The following TENT2 variants were observed in gnomAD, a reference collection of about 807,000 sequenced individuals.
TENT2 encodes poly(A) RNA polymerase GLD2.
A neutral mutation model predicts 72.2 loss-of-function variants in TENT2; 44 were observed. The observed-to-expected ratio is 0.61, with a 90% CI of 0.48 to 0.78. The LOEUF (loss-of-function observed/expected upper bound fraction) is 0.78, where lower values mean the gene tolerates loss of function less well. Ranked by LOEUF, TENT2 falls within the 30% of genes least tolerant of loss-of-function variation. The probability of loss-of-function intolerance (pLI) is 0.00; values close to 1 mark genes in which losing one functional copy is unlikely to be tolerated. For missense variants in TENT2, 541 were observed against 569.6 expected (o/e 0.95, Z 0.51); for synonymous variants, 212 against 192.5 (o/e 1.10, Z -0.84).
At chr5:79,625,698 A>G (rs1315312244) in intron 4 of TENT2, among the ~76,000 whole-genome samples, 1 of 152,122 alleles carries the variant, frequency 6.6e-6, no homozygotes, top group African/African-American at 2.4e-5. Context: ...GCTTATTGAA[A>G]AAACTGTTCT....
intron 8 of TENT2, among the ~76,000 whole-genome samples, chr5:79,647,726 T>C (rs1309381837): frequency 6.6e-6 from 1 of 152,176 alleles, no homozygotes; most frequent in East Asian, 1.9e-4. Context: ...TATTTAGAAG[T>C]TGGGATCTCG....
intron 1 of TENT2, 59 bp from the exon 2 acceptor site, chr5:79,619,553 A>C (rs1763108385): frequency 1.6e-6 from 2 of 1,222,648 alleles, no homozygotes; most frequent in South Asian, 2.1e-5. Context: ...AATAGTTATC[A>C]AAGTGTTTAG....
chr5:79,663,977 T>C (rs1292475180), intron 11 of TENT2, among the ~76,000 whole-genome samples: 2 of 152,036 alleles, frequency 1.3e-5, no homozygotes, highest in Non-Finnish European at 2.9e-5. Flanking sequence ...ATCAAAAATA[T>C]TCAGGAAAAA....
rs544968421 is a variant in TENT2, at chr5:79,649,159, T to C, written c.996T>C (p.Ser332=). ...DASRGTLSSY[S]LVLMVLHYLQ... ...GTCGTGGTACTTTAAGCAGCTATAG[T>C]CTTGTATTGATGGTTTTGCACTATT... The change falls in exon 10 of 15, where the codon AGT becomes AGC. Residue 332 remains serine (S), a synonymous_variant. Coordinates refer to ENST00000453514, the MANE Select transcript of TENT2 (RefSeq NM_001114394.3). The C allele has an allele frequency of 1.2e-6, 2 of 1,613,478 alleles. No homozygotes were observed. The highest frequency in any genetic ancestry group is 2.2e-5 in the South Asian group (2 of 91,056).
chr5:79,682,754 A>C (rs1475349209), intron 14 of TENT2, among the ~76,000 whole-genome samples: 2 of 152,082 alleles, frequency 1.3e-5, no homozygotes, highest in Admixed American at 1.3e-4. Flanking sequence ...CAGGAATTAG[A>C]GTGCTGTTTT....
At chr5:79,617,127 A>T (rs1422759956) in intron 1 of TENT2, among the ~76,000 whole-genome samples, 1 of 151,736 alleles carries the variant, frequency 6.6e-6, no homozygotes, top group Non-Finnish European at 1.5e-5. Context: ...GTTTAAAAAA[A>T]AAAAGAAAAG....
chr5:79,658,842 T>G (rs893878379), intron 11 of TENT2, among the ~76,000 whole-genome samples: 1 of 146,652 alleles, frequency 6.8e-6, no homozygotes, highest in Non-Finnish European at 1.5e-5. Flanking sequence ...TTTTCACTTC[T>G]GTGTTCTGTT....
chr5:79,634,855 T>G (rs1452497474), intron 4 of TENT2, among the ~76,000 whole-genome samples: 2 of 147,692 alleles, frequency 1.4e-5, no homozygotes, highest in East Asian at 3.9e-4. Flanking sequence ...TTGGAGGGAT[T>G]TTTTTTTTTT....
At chr5:79,658,316 T>G (rs1184376569) in intron 11 of TENT2, among the ~76,000 whole-genome samples, 1 of 152,060 alleles carries the variant, frequency 6.6e-6, no homozygotes, top group Non-Finnish European at 1.5e-5. Flanking sequence ...TAGAGGTAAC[T>G]TGAACTTTTT....
At chr5:79,668,163 A>G (rs558114830) in intron 11 of TENT2, among the ~76,000 whole-genome samples, 2 of 152,250 alleles carry the variant, frequency 1.3e-5, no homozygotes, top group East Asian at 3.9e-4. Context: ...ATAGGAAAAC[A>G]GAATAAGTAC....
intron 13 of TENT2, among the ~76,000 whole-genome samples, chr5:79,679,918 G>T (rs1469552988): frequency 6.6e-6 from 1 of 151,984 alleles, no homozygotes; most frequent in East Asian, 1.9e-4. Context: ...TCTTACTTGT[G>T]GTTGATGGAT....
intron 11 of TENT2, among the ~76,000 whole-genome samples, chr5:79,666,934 A>AT (rs931377572): frequency 1.3e-5 from 2 of 151,980 alleles, no homozygotes; most frequent in African/African-American, 4.8e-5. Context: ...AGGTGTCCTC[A>AT]TTTTTTCAGT....
Position 79,686,572 on chromosome 5 carries a change from C to T in TENT2, c.*1299C>T, listed in dbSNP as rs1255142777. ...GCTTTTCTTTGACTTGTAAAAGGTG[C>T]ACATTTTCATTTTCTTCCTTAAGTT... On this transcript the variant is annotated 3_prime_UTR_variant, in exon 15 of 15. Transcript: ENST00000453514. 6.6e-6 allele frequency: 1 copy of T among 151,838 alleles called. No homozygotes were observed. Among genetic ancestry groups the T allele is most frequent in the African/African-American group, 2.4e-5 (1 of 41,326 alleles). 9.4% of individuals were successfully genotyped at this position (151,838 alleles called of 1,614,324 possible). A position where few individuals can be genotyped will look rare whatever the true frequency, so the allele number is the denominator to read the frequency against.
chr5:79,637,923 A>G (rs542593475), intron 4 of TENT2, among the ~76,000 whole-genome samples: 1 of 149,328 alleles, frequency 6.7e-6, no homozygotes, highest in Admixed American at 6.8e-5. Context: ...TCAGCCTCCC[A>G]AATAGCTGGG....
At chr5:79,664,681 C>G (rs893821685) in intron 11 of TENT2, among the ~76,000 whole-genome samples, 1 of 151,318 alleles carries the variant, frequency 6.6e-6, no homozygotes, top group African/African-American at 2.4e-5. Flanking sequence ...TTGGCACTAC[C>G]TGAATTTTGA....
At chr5:79,620,966 A>G (rs2149938786) in intron 3 of TENT2, among the ~76,000 whole-genome samples, 1 of 152,320 alleles carries the variant, frequency 6.6e-6, no homozygotes, top group East Asian at 1.9e-4. Context: ...CATTTATTTA[A>G]AAACAGAACT....
intron 14 of TENT2, among the ~76,000 whole-genome samples, chr5:79,683,687 G>A (rs1447251351): frequency 4.0e-5 from 6 of 151,704 alleles, no homozygotes; most frequent in South Asian, 2.1e-4. Context: ...AGGCCGAGGC[G>A]GGCGGATCAC....
intron 11 of TENT2, among the ~76,000 whole-genome samples, chr5:79,660,377 A>G (rs907342185): frequency 2.0e-5 from 3 of 152,186 alleles, no homozygotes; most frequent in Non-Finnish European, 4.4e-5. Flanking sequence ...CAAGCATATT[A>G]CTATGAGGGT....
intron 3 of TENT2, chr5:79,620,605 C>G (rs1221108846): frequency 6.6e-6 from 1 of 152,210 alleles, no homozygotes; most frequent in Non-Finnish European, 1.5e-5. Flanking sequence ...TGGCCGTTGC[C>G]CTGTGTTTTC....
Sources: allele counts gnomAD v4.1 joint callset (sites outside exome capture counted in the v4.1 genomes callset), GRCh38; gene constraint gnomAD v4.1.1; transcripts MANE v1.5; gene names NCBI Gene and HGNC (gene_info 2026-07-23, HGNC 2026-07-21).